Variants in TUBGCP2 observed in about 807,000 individuals in gnomAD.
TUBGCP2 encodes the protein tubulin gamma complex component 2.
Under a neutral mutation model 92.2 loss-of-function variants are expected in TUBGCP2, and 55 were observed. The ratio of observed to expected loss-of-function variants is 0.60; its 90% CI spans 0.48 to 0.75. The LOEUF (loss-of-function observed/expected upper bound fraction) is 0.75. Among genes scored for constraint, TUBGCP2 ranks in the 30% least tolerant of loss-of-function variants. The probability of loss-of-function intolerance (pLI) is 0.00; values close to 1 mark genes in which losing one functional copy is unlikely to be tolerated. For missense variants in TUBGCP2, 1,093 were observed against 1,188.9 expected (o/e 0.92, Z 1.19); for synonymous variants, 533 against 505.2 (o/e 1.06, Z -0.74).
At position 133,283,083 on chromosome 10, in the gene TUBGCP2, T is replaced by G. The variant is rs1847030519; in HGVS notation, c.2284A>C (p.Met762Leu). Residue 762 changes from methionine (M) to leucine (L), a missense_variant, in exon 15 of 18, where the codon ATG becomes CTG. Met to Leu is a conservative substitution (Grantham distance 15). This residue lies in a region of TUBGCP2 where 598 missense variants were observed against 675.5 expected (regional missense o/e 0.89). Transcript: ENST00000252936. Reference protein sequence around the residue: ...MSVCVMFTNCMQKFTQSMKLD... With the variant: ...MSVCVMFTNCLQKFTQSMKLD... ...TGCTACCCACACCCACGCACCTGCATGCAGTTGGTGAACATGACGCACACA... is the reference window on the plus strand; with the variant it reads ...TGCTACCCACACCCACGCACCTGCAGGCAGTTGGTGAACATGACGCACACA... 1 of 1,614,166 alleles carries G rather than the reference T, an allele frequency of 6.2e-7. No individual in the cohort carries two copies. Among genetic ancestry groups the G allele is most frequent in the African/African-American group, 1.3e-5 (1 of 75,066 alleles).
Position 133,300,440 on chromosome 10 carries a change from G to A in TUBGCP2, c.151-327C>T. On this transcript the variant is annotated intron_variant, in intron 2 of 17. Coordinates refer to ENST00000252936, the MANE Select transcript of TUBGCP2 (RefSeq NM_006659.4). ...AAAGATTCAAAAATTAGCGAGGCGTGGTGGCACTTGCCTGTGGTCACTACT... is the reference window on the plus strand; with the variant it reads ...AAAGATTCAAAAATTAGCGAGGCGTAGTGGCACTTGCCTGTGGTCACTACT... 3 of 238,010 alleles carry A rather than the reference G, an allele frequency of 1.3e-5. No individual in the cohort carries two copies. The South Asian group carries it at 1.6e-4, about 13-fold the overall frequency. 14.7% of individuals were successfully genotyped at this position (238,010 alleles called of 1,614,324 possible). A position where few individuals can be genotyped will look rare whatever the true frequency, so the allele number is the denominator to read the frequency against.
Position 133,279,028 on chromosome 10 carries a change from G to C in TUBGCP2, c.*738C>G, listed in dbSNP as rs1846893590. 1 of 152,364 alleles carries C rather than the reference G, an allele frequency of 6.6e-6. No homozygotes were observed. Among genetic ancestry groups the C allele is most frequent in the African/African-American group, 2.4e-5 (1 of 41,470 alleles). 9.4% of individuals were successfully genotyped at this position (152,364 alleles called of 1,614,324 possible). On this transcript the variant is annotated 3_prime_UTR_variant, in exon 18 of 18. Transcript: ENST00000252936. Reference sequence around the variant, plus strand: ...GGTGCTGCCCACTGTAGCCCTGGAGGTGGGAAGACAGGGCAGATGATCGCC... The same window carrying C: ...GGTGCTGCCCACTGTAGCCCTGGAGCTGGGAAGACAGGGCAGATGATCGCC...
At chr10:133,310,356 A>G, upstream of TUBGCP2, 1 of 1,595,690 alleles carries the variant, frequency 6.3e-7, no homozygotes. Context: ...ACTAGCCGGA[A>G]TGCATAGACG....
At chr10:133,284,992 T>C in intron 13 of TUBGCP2, 93 bp downstream of exon 13, 1 of 1,494,740 alleles carries the variant, frequency 6.7e-7, no homozygotes. Flanking sequence ...GAAAGCTGTC[T>C]ACCAGGAGGG....
chr10:133,282,869 C>T (rs1258623239), intron 15 of TUBGCP2, among the ~76,000 whole-genome samples: 4 of 152,356 alleles, frequency 2.6e-5, no homozygotes, highest in African/African-American at 9.6e-5. Flanking sequence ...TCGGGAGGAA[C>T]ACAGCCCTGC....
At chr10:133,293,866 CTTTG>C in intron 5 of TUBGCP2, 97 bp from the exon 6 acceptor site, 2 of 1,217,830 alleles carry the variant, frequency 1.6e-6, no homozygotes, top group Non-Finnish European at 1.2e-6. Context: ...TCTTGCTCAT[CTTTG>C]TTTATGGGTA....
upstream of TUBGCP2, chr10:133,312,145 G>A (rs1848004681): frequency 7.1e-7 from 1 of 1,413,444 alleles, no homozygotes; most frequent in East Asian, 2.5e-5. Flanking sequence ...CACAACCCAG[G>A]CGTCTGCCTT....
upstream of TUBGCP2, chr10:133,309,714 A>G: frequency 6.3e-7 from 1 of 1,586,138 alleles, no homozygotes; most frequent in Non-Finnish European, 8.6e-7. Flanking sequence ...GAAACTGTGC[A>G]GAAAGTCCAG....
At chr10:133,307,296 G>A (rs1432913267) in intron 1 of TUBGCP2, among the ~76,000 whole-genome samples, 1 of 152,286 alleles carries the variant, frequency 6.6e-6, no homozygotes, top group African/African-American at 2.4e-5. Context: ...CCGCAGGGAC[G>A]CGTGCTGAGG....
rs762777674 is a variant in TUBGCP2, at chr10:133,298,079, G to A, written c.489C>T (p.Asp163=). 1.9e-6 allele frequency: 3 copies of A among 1,614,080 alleles called. No individual in the cohort carries two copies. Among genetic ancestry groups the A allele is most frequent in the Non-Finnish European group, 2.5e-6 (3 of 1,180,004 alleles). The change falls in exon 5 of 18, where the codon GAC becomes GAT. Residue 163 remains aspartate (D), a synonymous_variant. Coordinates refer to ENST00000252936, the MANE Select transcript of TUBGCP2 (RefSeq NM_006659.4). ...SLELKRKMLR[D]KQNKKNSGQH... is the part of the protein sequence containing the mutation. ...GGCCTGAATTTTTTTTGTTCTGCTT[G>A]TCTCGAAGCATCTTTCTTTTAAGTT... is the stretch of plus-strand genomic sequence containing the variant.
chr10:133,309,217 AC>A (rs928360919), upstream of TUBGCP2: 103 of 1,300,954 alleles, frequency 7.9e-5, no homozygotes, highest in African/African-American at 6.7e-4. Context: ...GGAGCCTGGG[AC>A]AGGCGGGACC....
chr10:133,309,444 G>A (rs762359798), upstream of TUBGCP2: 7 of 1,612,382 alleles, frequency 4.3e-6, no homozygotes, highest in South Asian at 5.5e-5. Context: ...GCAGGTGGCC[G>A]ACGTGCCTGA....
chr10:133,295,118 T>C (rs188534603), intron 5 of TUBGCP2: 4 of 152,196 alleles, frequency 2.6e-5, no homozygotes, highest in Admixed American at 2.6e-4. Context: ...TGGGGGTTAG[T>C]GTGGATCCAG....
intron 8 of TUBGCP2, 50 bp from the exon 9 acceptor site, chr10:133,290,019 G>A: frequency 6.3e-7 from 1 of 1,597,216 alleles, no homozygotes; most frequent in East Asian, 2.3e-5. Flanking sequence ...GGGCGCCTGA[G>A]GCAGGCGACA....
At chr10:133,290,733 T>G (rs142814014) in intron 8 of TUBGCP2, 186 of 152,232 alleles carry the variant, frequency 1.2e-3, no homozygotes, top group African/African-American at 4.4e-3. Flanking sequence ...ATGATGCTCG[T>G]GTGGGGTAGG....
At chr10:133,291,322 G>A (rs1184836935) in intron 8 of TUBGCP2, among the ~76,000 whole-genome samples, 1 of 54,710 alleles carries the variant, frequency 1.8e-5, no homozygotes, top group African/African-American at 8.0e-5. Context: ...ACGGGAGAGG[G>A]CAGCATGCAC....
chr10:133,293,317 C>T, intron 6 of TUBGCP2, 79 bp from the exon 7 acceptor site: 4 of 1,523,544 alleles, frequency 2.6e-6, no homozygotes, highest in Non-Finnish European at 3.6e-6. Context: ...AGTCTCATCC[C>T]AAACAGGAAG....
rs1847696991 is a variant in TUBGCP2 at position 133,302,595 on chromosome 10, C to G, written c.150+197G>C. 17 of 614,808 alleles carry G rather than the reference C, an allele frequency of 2.8e-5. No individual in the cohort carries two copies. The South Asian group carries it at 3.4e-4, about 12-fold the overall frequency. The allele number at this position is 614,808 out of a possible 1,614,324, so 38.1% of individuals were successfully genotyped here. ...ACCCTGCACCATCCTGATCCAGGAA[C>G]AGTGTTCATCCTGCACCCTGACCCA... On this transcript the variant is annotated intron_variant, in intron 2 of 17. Transcript: ENST00000252936.
intron 5 of TUBGCP2, among the ~76,000 whole-genome samples, chr10:133,296,371 G>A (rs968112584): frequency 9.9e-5 from 15 of 152,238 alleles, no homozygotes; most frequent in African/African-American, 2.6e-4. Context: ...ACCACTCCCC[G>A]GCTGCCTGCT....
Sources: allele counts gnomAD v4.1 joint callset (sites outside exome capture counted in the v4.1 genomes callset), GRCh38; gene constraint gnomAD v4.1.1; regional missense constraint gnomAD v4.1.1; transcripts MANE v1.5; gene names NCBI Gene and HGNC (gene_info 2026-07-23, HGNC 2026-07-21).